Variants in PDE1A observed in about 807,000 individuals in gnomAD.
The protein encoded by PDE1A is dual specificity calcium/calmodulin-dependent 3',5'-cyclic nucleotide phosphodiesterase 1A.
Under a neutral mutation model 61.7 loss-of-function variants are expected in PDE1A, and 35 were observed. That is an observed-to-expected ratio of 0.57 (90% confidence interval 0.43 to 0.75). PDE1A has a LOEUF of 0.75. Ranked by LOEUF, PDE1A falls within the 30% of genes least tolerant of loss-of-function variation. PDE1A has a pLI of 0.00. For missense variants in PDE1A, 597 were observed against 630.6 expected (o/e 0.95, Z 0.57); for synonymous variants, 232 against 213.2 (o/e 1.09, Z -0.77).
chr2:182,393,382 CT>C (rs76669011), intron 1 of PDE1A, among the ~76,000 whole-genome samples: 29,935 of 147,328 alleles, frequency 0.2, 3,632 homozygotes, highest in East Asian at 0.45. Flanking sequence ...CCCACAGAAC[CT>C]TTTTTTTTTT....
chr2:182,352,266 G>A (rs1452164397), intron 1 of PDE1A, among the ~76,000 whole-genome samples: 1 of 152,218 alleles, frequency 6.6e-6, no homozygotes, highest in African/African-American at 2.4e-5. Flanking sequence ...GCCACTGCAT[G>A]AGCAGTGTCC....
At chr2:182,209,793 G>A (rs1361002955) in intron 7 of PDE1A, among the ~76,000 whole-genome samples, 2 of 151,974 alleles carry the variant, frequency 1.3e-5, no homozygotes, top group Admixed American at 6.6e-5. Flanking sequence ...AGGCCTCCCA[G>A]CCTCACCAGC....
chr2:182,272,894 T>A (rs1693139019), intron 1 of PDE1A, among the ~76,000 whole-genome samples: 2 of 152,144 alleles, frequency 1.3e-5, no homozygotes, highest in African/African-American at 4.8e-5. Flanking sequence ...GACAGTTGAA[T>A]AATATATACA....
the PDE1A span, among the ~76,000 whole-genome samples, chr2:182,663,477 G>T: frequency 3.9e-5 from 6 of 152,186 alleles, no homozygotes; most frequent in Non-Finnish European, 7.3e-5. Flanking sequence ...ATATACTACA[G>T]AATACTATGC....
At chr2:182,703,440 G>T in the PDE1A span, among the ~76,000 whole-genome samples, 1 of 152,198 alleles carries the variant, frequency 6.6e-6, no homozygotes, top group Non-Finnish European at 1.5e-5. Context: ...TGGCATAAGG[G>T]AAAGGGAGAA....
At chr2:182,503,122 C>T (rs1187557971) in intron 2 of PDE1A, among the ~76,000 whole-genome samples, 1 of 150,994 alleles carries the variant, frequency 6.6e-6, no homozygotes, top group African/African-American at 2.4e-5. Flanking sequence ...CCTTTAACCC[C>T]ATATCCATTT....
chr2:182,477,400 A>T (rs1010252417), intron 2 of PDE1A, among the ~76,000 whole-genome samples: 6 of 151,928 alleles, frequency 3.9e-5, no homozygotes, highest in African/African-American at 1.4e-4. Context: ...ACACTTGACA[A>T]TTTAATTATA....
intron 13 of PDE1A, among the ~76,000 whole-genome samples, chr2:182,159,635 C>T (rs936651958): frequency 2.0e-5 from 3 of 152,156 alleles, no homozygotes; most frequent in Non-Finnish European, 4.4e-5. Context: ...ATGAAATATC[C>T]ATTCAGTCTC....
intron 13 of PDE1A, among the ~76,000 whole-genome samples, chr2:182,152,257 A>AAAG (rs1690824955): frequency 6.6e-6 from 1 of 152,140 alleles, no homozygotes; most frequent in Non-Finnish European, 1.5e-5. Flanking sequence ...ATCAAAGATT[A>AAAG]AAGTTACAGT....
At chr2:182,561,372 G>C in the PDE1A span, among the ~76,000 whole-genome samples, 16 of 152,020 alleles carry the variant, frequency 1.1e-4, no homozygotes, top group Admixed American at 1.0e-3. Flanking sequence ...TTGTAGATAT[G>C]AGGTGTTATT....
the PDE1A span, among the ~76,000 whole-genome samples, chr2:182,684,292 T>C: frequency 1.6e-4 from 24 of 152,232 alleles, no homozygotes; most frequent in Admixed American, 8.5e-4. Flanking sequence ...GTATGTAATA[T>C]ATGTACATTG....
At chr2:182,204,235 G>A (rs1399298706) in intron 8 of PDE1A, among the ~76,000 whole-genome samples, 4 of 152,182 alleles carry the variant, frequency 2.6e-5, no homozygotes, top group Non-Finnish European at 5.9e-5. Context: ...TTAGGCTTTA[G>A]GAAATATCTC....
At position 182,201,575 on chromosome 2, in the gene PDE1A, C is replaced by G. The variant is rs1686634345; in HGVS notation, c.1005-16G>C. 1.3e-6 allele frequency: 2 copies of G among 1,593,602 alleles called. No individual in the cohort carries two copies. The highest frequency in any genetic ancestry group is 1.7e-6 in the Non-Finnish European group (2 of 1,170,846). On this transcript the variant is annotated splice_polypyrimidine_tract_variant and intron_variant, in intron 9 of 13. Transcript: ENST00000351439. ...TCTGTCAATCCTGTCAAACCAAGGA[C>G]ATGCTTATATTATTCAAAACAAAGG...
intron 1 of PDE1A, among the ~76,000 whole-genome samples, chr2:182,305,853 T>C (rs945423737): frequency 6.6e-6 from 1 of 152,112 alleles, no homozygotes; most frequent in African/African-American, 2.4e-5. Flanking sequence ...AATTAACATA[T>C]CCATCACCTC....
the PDE1A span, among the ~76,000 whole-genome samples, chr2:182,572,659 A>G: frequency 1.3e-5 from 2 of 152,108 alleles, no homozygotes; most frequent in South Asian, 4.1e-4. Flanking sequence ...TCACGAGGTC[A>G]GGAGATCGAG....
chr2:182,452,100 C>T (rs1438394058), intron 2 of PDE1A, among the ~76,000 whole-genome samples: 1 of 151,832 alleles, frequency 6.6e-6, no homozygotes, highest in Non-Finnish European at 1.5e-5. Context: ...CAAGAGGTCT[C>T]GAATAAATTT....
At chr2:182,495,658 A>T (rs1036349009) in intron 2 of PDE1A, among the ~76,000 whole-genome samples, 3 of 152,154 alleles carry the variant, frequency 2.0e-5, no homozygotes, top group Admixed American at 6.5e-5. Flanking sequence ...CTGCCCCAAG[A>T]GGCAACAAGT....
chr2:182,213,075 C>T (rs1481366331), intron 7 of PDE1A, among the ~76,000 whole-genome samples: 8 of 149,504 alleles, frequency 5.4e-5, no homozygotes, highest in African/African-American at 9.9e-5. Flanking sequence ...GATCTGAGAA[C>T]GGGCAGACTG....
At chr2:182,351,467 TG>T (rs1211264357) in intron 1 of PDE1A, among the ~76,000 whole-genome samples, 2 of 152,206 alleles carry the variant, frequency 1.3e-5, no homozygotes, top group Non-Finnish European at 2.9e-5. Flanking sequence ...TTTTAGGACC[TG>T]ATTATCAAGC....
Sources: gnomAD v4.1 joint callset for allele counts (sites outside exome capture counted in the v4.1 genomes callset) on GRCh38, gnomAD v4.1.1 for gene constraint, MANE v1.5 for transcripts, NCBI Gene and HGNC (gene_info 2026-07-23, HGNC 2026-07-21) for gene names.